Variants in FHIT observed in about 807,000 individuals in gnomAD.
The protein encoded by FHIT is bis(5'-adenosyl)-triphosphatase.
FHIT carries 19 observed loss-of-function variants against 17.9 expected under a neutral mutation model. The ratio of observed to expected loss-of-function variants is 1.06; its 90% CI spans 0.74 to 1.56. The LOEUF is 1.56. Ranked by LOEUF, FHIT falls within the 40% of genes most tolerant of loss-of-function variation. The pLI, the probability that FHIT is intolerant of heterozygous loss-of-function variation, is 0.00. For synonymous variants in FHIT, 81 were observed against 69.7 expected, an observed-to-expected ratio of 1.16 and a Z score of -0.81; for missense variants, 248 against 189.2, an observed-to-expected ratio of 1.31 and a Z score of -1.82.
intron 3 of FHIT, among the ~76,000 whole-genome samples, chr3:60,926,887 C>T (rs1707649016): frequency 6.6e-6 from 1 of 152,152 alleles, no homozygotes; most frequent in African/African-American, 2.4e-5. Flanking sequence ...CCACTGATCC[C>T]ACAGAAATAC....
chr3:60,683,977 T>C (rs1553697684), intron 4 of FHIT, among the ~76,000 whole-genome samples: 1 of 152,200 alleles, frequency 6.6e-6, no homozygotes, highest in South Asian at 2.1e-4. Flanking sequence ...TTTACATGTC[T>C]CATTTAATCC....
At chr3:60,301,436 T>G (rs728519) in intron 5 of FHIT, among the ~76,000 whole-genome samples, 3 of 152,140 alleles carry the variant, frequency 2.0e-5, no homozygotes, top group African/African-American at 7.2e-5. Flanking sequence ...CTAAACTTCT[T>G]TATCACAAAC....
intron 5 of FHIT, among the ~76,000 whole-genome samples, chr3:60,239,029 T>C (rs536007517): frequency 6.6e-6 from 1 of 152,184 alleles, no homozygotes. Flanking sequence ...TAAGAATGTA[T>C]ATACTTAGCC....
chr3:60,392,842 G>GT (rs1272728493), intron 5 of FHIT, among the ~76,000 whole-genome samples: 5 of 152,132 alleles, frequency 3.3e-5, no homozygotes, highest in Non-Finnish European at 7.4e-5. Context: ...CATGGAAACA[G>GT]TTTTTTGGTA....
At chr3:61,132,664 G>A (rs1454998451) in intron 2 of FHIT, among the ~76,000 whole-genome samples, 1 of 152,160 alleles carries the variant, frequency 6.6e-6, no homozygotes, top group African/African-American at 2.4e-5. Flanking sequence ...GAAGGGCACA[G>A]TGACTTGAGC....
chr3:59,944,075 TAA>T (rs1173782252), intron 7 of FHIT, among the ~76,000 whole-genome samples: 2 of 152,204 alleles, frequency 1.3e-5, no homozygotes, highest in African/African-American at 4.8e-5. Flanking sequence ...TTTTTATTGG[TAA>T]AGTTTTAGAA....
intron 5 of FHIT, among the ~76,000 whole-genome samples, chr3:60,252,840 A>C (rs1429525062): frequency 6.8e-6 from 1 of 146,590 alleles, no homozygotes; most frequent in African/African-American, 2.5e-5. Context: ...AAAAAAATAC[A>C]AAAAAAAATT....
intron 5 of FHIT, among the ~76,000 whole-genome samples, chr3:60,291,008 A>T (rs1707958838): frequency 6.6e-6 from 1 of 152,114 alleles, no homozygotes; most frequent in Non-Finnish European, 1.5e-5. Flanking sequence ...ATCTTTGTGG[A>T]TTAATTAATT....
chr3:60,006,945 T>C (rs970495903), intron 7 of FHIT, among the ~76,000 whole-genome samples: 3 of 152,166 alleles, frequency 2.0e-5, no homozygotes, highest in African/African-American at 7.2e-5. Context: ...AATAATTATC[T>C]TCTTCTTCTA....
At chr3:59,784,088 A>C (rs991036869) in intron 8 of FHIT, among the ~76,000 whole-genome samples, 2 of 152,196 alleles carry the variant, frequency 1.3e-5, no homozygotes, top group African/African-American at 4.8e-5. Context: ...AAATGATATA[A>C]AAATGATTGG....
chr3:59,993,385 G>A (rs1015093044), intron 7 of FHIT, among the ~76,000 whole-genome samples: 2 of 152,034 alleles, frequency 1.3e-5, no homozygotes, highest in Admixed American at 6.6e-5. Context: ...TCCCTGGACT[G>A]TATTAAAACA....
At position 60,189,665 on chromosome 3, in the gene FHIT, T is replaced by G. The variant is rs561547829; in HGVS notation, c.104-175513A>C. 3.9e-5 allele frequency among the ~76,000 whole-genome samples: 6 copies of G among 152,338 alleles called. No homozygotes were observed. In the South Asian group the frequency reaches 1.2e-3, roughly 32 times the overall value. On this transcript the variant is annotated intron_variant, in intron 5 of 9. Transcript: ENST00000492590. ...CGATCATTACAGAATTCACTAGAAT[T>G]TGGTCGGCATTGGTATTATTTGAAT...
intron 4 of FHIT, among the ~76,000 whole-genome samples, chr3:60,547,120 C>T (rs2036392942): frequency 6.6e-6 from 1 of 152,168 alleles, no homozygotes; most frequent in African/African-American, 2.4e-5. Context: ...AAATACTTTC[C>T]TTTCACATAA....
rs1709104986 is a variant in FHIT at position 60,955,619 on chromosome 3, T to TACATATATATATATAC, written c.-111+86427_-111+86428insGTATATATATATATGT. Among the ~76,000 whole-genome samples the TACATATATATATATAC allele has an allele frequency of 3.1e-3, 42 of 13,716 alleles. 2 individuals carry two copies. Among genetic ancestry groups the TACATATATATATATAC allele is most frequent in the South Asian group, 0.013 (2 of 158 alleles). 9.0% of individuals were successfully genotyped at this position (13,716 alleles called of 152,430 possible). On this transcript the variant is annotated intron_variant, in intron 3 of 9. Coordinates refer to ENST00000492590, the MANE Select transcript of FHIT (RefSeq NM_002012.4). The stretch of plus-strand genomic sequence containing the variant: ...ATACATATATATATATATATATATA[T>TACATATATATATATAC]ATATATATATATATACACACACACA...
chr3:60,906,379 T>A lies in FHIT; in HGVS notation c.-110-84368A>T, dbSNP rs138087551. On this transcript the variant is annotated intron_variant, in intron 3 of 9. Transcript: ENST00000492590. ...TGAATTTGAATGGTTGAGTTGTACA[T>A]GGTAACATACATGCATCTACCTATC... is the stretch of plus-strand genomic sequence containing the variant. Among the ~76,000 whole-genome samples the A allele has an allele frequency of 2.1e-3, 320 of 152,340 alleles. 1 individual carries two copies. The highest frequency in any genetic ancestry group is 7.1e-3 in the African/African-American group (296 of 41,588).
intron 5 of FHIT, among the ~76,000 whole-genome samples, chr3:60,025,042 T>C (rs1035652234): frequency 5.9e-5 from 9 of 152,090 alleles, no homozygotes; most frequent in African/African-American, 2.2e-4. Flanking sequence ...ACTTAACTAA[T>C]GGGGGCAAAA....
chr3:60,592,013 A>G (rs2038101546), intron 4 of FHIT, among the ~76,000 whole-genome samples: 1 of 151,960 alleles, frequency 6.6e-6, no homozygotes, highest in African/African-American at 2.4e-5. Flanking sequence ...AAGGTGGGGA[A>G]AAAAGAAACA....
intron 8 of FHIT, among the ~76,000 whole-genome samples, chr3:59,800,879 A>G (rs1381703075): frequency 6.6e-6 from 1 of 152,150 alleles, no homozygotes; most frequent in Admixed American, 6.5e-5. Context: ...GGGAAGAAGA[A>G]AAGAGGCCAC....
intron 8 of FHIT, among the ~76,000 whole-genome samples, chr3:59,836,102 T>C (rs1343324017): frequency 6.6e-6 from 1 of 152,102 alleles, no homozygotes; most frequent in Non-Finnish European, 1.5e-5. Context: ...GTCCTCCCCA[T>C]GAGTTTACAA....
Sources: allele counts gnomAD v4.1 joint callset (sites outside exome capture counted in the v4.1 genomes callset), GRCh38; gene constraint gnomAD v4.1.1; transcripts MANE v1.5; gene names NCBI Gene and HGNC (gene_info 2026-07-23, HGNC 2026-07-21).